Variants in HTATIP2 observed in about 807,000 individuals in gnomAD.
HTATIP2 encodes the protein protein HTATIP2.
Under a neutral mutation model 24.7 loss-of-function variants are expected in HTATIP2, and 26 were observed. That is an observed-to-expected ratio of 1.05 (90% CI 0.77 to 1.46). HTATIP2 has a LOEUF of 1.46. Ranked by LOEUF, HTATIP2 falls within the 40% of genes most tolerant of loss-of-function variation. The probability of loss-of-function intolerance (pLI) is 0.00; values close to 1 mark genes in which losing one functional copy is unlikely to be tolerated. For missense variants in HTATIP2, 284 were observed against 289.6 expected, an observed-to-expected ratio of 0.98 and a Z score of 0.14; for synonymous variants, 99 against 113.2, an observed-to-expected ratio of 0.87 and a Z score of 0.79.
chr11:20,364,499 A>G (rs1414921225), intron 1 of HTATIP2, 67 bp downstream of exon 1: 3 of 1,385,462 alleles, frequency 2.2e-6, no homozygotes, highest in Non-Finnish European at 3.0e-6. Flanking sequence ...TTTCATGCCT[A>G]AAGGCTGAAT....
intron 2 of HTATIP2, among the ~76,000 whole-genome samples, chr11:20,371,919 G>A (rs1449460882): frequency 6.6e-6 from 1 of 152,056 alleles, no homozygotes; most frequent in African/African-American, 2.4e-5. Flanking sequence ...TGCCCTCCAG[G>A]ACACAAACAA....
At chr11:20,371,995 G>T (rs2064777061) in intron 2 of HTATIP2, among the ~76,000 whole-genome samples, 1 of 152,170 alleles carries the variant, frequency 6.6e-6, no homozygotes, top group African/African-American at 2.4e-5. Flanking sequence ...AATTTATAGG[G>T]TTGGATTGAA....
chr11:20,379,084 A>C (rs1247360349), intron 3 of HTATIP2, among the ~76,000 whole-genome samples: 3 of 145,330 alleles, frequency 2.1e-5, no homozygotes, highest in African/African-American at 7.6e-5. Context: ...ACAACAACAA[A>C]AACACCAGCT....
At chr11:20,370,431 C>G (rs755426366) in intron 2 of HTATIP2, among the ~76,000 whole-genome samples, 2 of 152,154 alleles carry the variant, frequency 1.3e-5, no homozygotes, top group Non-Finnish European at 2.9e-5. Context: ...CTCACCTGGT[C>G]GTAGTAGGCT....
chr11:20,372,274 A>C (rs2064779966), intron 2 of HTATIP2, among the ~76,000 whole-genome samples: 1 of 152,236 alleles, frequency 6.6e-6, no homozygotes, highest in Non-Finnish European at 1.5e-5. Flanking sequence ...TAGACGTGCT[A>C]ACTTGTCCTA....
rs557850447 is a variant in HTATIP2 at position 20,381,817 on chromosome 11, G to A, written c.442-361G>A. Among the ~76,000 whole-genome samples, 11 of 152,194 alleles carry A rather than the reference G, an allele frequency of 7.2e-5. No homozygotes were observed. The South Asian group carries it at 1.2e-3, about 17-fold the overall frequency. Reference sequence around the variant, plus strand: ...GGAACTACCTATAAACCAAAAAAACGTTAGTGTCTGCTAGCATGCAACATG... The same window carrying A: ...GGAACTACCTATAAACCAAAAAAACATTAGTGTCTGCTAGCATGCAACATG... On this transcript the variant is annotated intron_variant, in intron 3 of 4. Coordinates refer to ENST00000451739, the MANE Select transcript of HTATIP2 (RefSeq NM_001098522.2).
chr11:20,382,220 T>C lies in HTATIP2; in HGVS notation c.484T>C (p.Tyr162His), dbSNP rs370076424. 42 of 1,587,504 alleles carry C rather than the reference T, an allele frequency of 2.6e-5. No homozygotes were observed. The highest frequency in any genetic ancestry group is 3.3e-5 in the Non-Finnish European group (38 of 1,155,814). ...AKVEELKFDRYSVFRPGVLLC... is the reference protein window; with the variant it reads ...AKVEELKFDRHSVFRPGVLLC... ...GGTTGAAGAATTAAAATTTGATCGT[T>C]ACTCTGTATTTAGGCCTGGGTAAGT... The change falls in exon 4 of 5, where the codon TAC (tyrosine) becomes CAC (histidine). Residue 162 changes from tyrosine (Y) to histidine (H), a missense_variant. By Grantham distance (83) the Tyr-to-His change is moderately conservative. Coordinates refer to ENST00000451739, the MANE Select transcript of HTATIP2 (RefSeq NM_001098522.2).
chr11:20,371,329 T>G (rs895910214), intron 2 of HTATIP2, among the ~76,000 whole-genome samples: 3 of 152,194 alleles, frequency 2.0e-5, no homozygotes, highest in Non-Finnish European at 4.4e-5. Context: ...GTTTGCTGGT[T>G]AGCTTTTGGA....
chr11:20,381,951 A>G (rs1203185835), intron 3 of HTATIP2, among the ~76,000 whole-genome samples: 1 of 152,244 alleles, frequency 6.6e-6, no homozygotes, highest in Non-Finnish European at 1.5e-5. Context: ...CTATGCAGCC[A>G]TTCACTCATT....
At chr11:20,367,768 C>A in intron 2 of HTATIP2, 1 of 599,326 alleles carries the variant, frequency 1.7e-6, no homozygotes, top group Non-Finnish European at 2.1e-6. Context: ...AGCGATGACT[C>A]AGCCTTCAGC....
intron 2 of HTATIP2, 97 bp from the exon 3 acceptor site, chr11:20,376,483 C>T (rs908847262): frequency 7.7e-7 from 1 of 1,298,320 alleles, no homozygotes; most frequent in Non-Finnish European, 1.1e-6. Flanking sequence ...AGATCTCCAT[C>T]CTTCTAGGCC....
chr11:20,374,379 C>T (rs975649678), intron 2 of HTATIP2, among the ~76,000 whole-genome samples: 11 of 152,260 alleles, frequency 7.2e-5, no homozygotes, highest in Non-Finnish European at 1.6e-4. Flanking sequence ...AATTTATCAT[C>T]TTAGAAGTCT....
At chr11:20,370,370 G>T (rs904028750) in intron 2 of HTATIP2, among the ~76,000 whole-genome samples, 2 of 152,178 alleles carry the variant, frequency 1.3e-5, no homozygotes. Flanking sequence ...AGAGGGATTT[G>T]ATTAGTGAAT....
intron 2 of HTATIP2, among the ~76,000 whole-genome samples, chr11:20,374,569 G>C (rs906370502): frequency 1.3e-5 from 2 of 152,144 alleles, no homozygotes; most frequent in South Asian, 4.1e-4. Context: ...GCCCTTCTTA[G>C]GTTGCATTAC....
At chr11:20,379,066 C>T (rs147506231) in intron 3 of HTATIP2, among the ~76,000 whole-genome samples, 2 of 149,568 alleles carry the variant, frequency 1.3e-5, no homozygotes, top group African/African-American at 5.1e-5. Context: ...CAAACAACAA[C>T]AACAACAACA....
chr11:20,372,048 A>G (rs80106627), intron 2 of HTATIP2, among the ~76,000 whole-genome samples: 4,021 of 152,264 alleles, frequency 0.026, 177 homozygotes, highest in African/African-American at 0.092. Context: ...ATAGGGCTGA[A>G]TGGGACCTTT....
chr11:20,383,309 C>A lies in HTATIP2; in HGVS notation c.*104C>A. On this transcript the variant is annotated 3_prime_UTR_variant, in exon 5 of 5. Transcript: ENST00000451739. ...AGCATGTTTTAACTTTGTTGTTTTA[C>A]TATCCTCAGGCATCCATTCCAATCA... The A allele has an allele frequency of 1.2e-6, 1 of 813,038 alleles. No homozygotes were observed. Among genetic ancestry groups the A allele is most frequent in the Non-Finnish European group, 2.0e-6 (1 of 512,328 alleles). The allele number at this position is 813,038 out of a possible 1,614,324, so 50.4% of individuals were successfully genotyped here. A position where few individuals can be genotyped will look rare whatever the true frequency, so the allele number is the denominator to read the frequency against.
rs750743670 is a variant in HTATIP2 at position 20,364,439 on chromosome 11, A to G, written c.195+7A>G. The stretch of plus-strand genomic sequence containing the variant: ...GGAAGCTTATAAAAATGTGGTGGGT[A>G]TTTCAGCTGGGACTCAAATGGACCC... On this transcript the variant is annotated splice_region_variant and intron_variant, in intron 1 of 4. Coordinates refer to ENST00000451739, the MANE Select transcript of HTATIP2 (RefSeq NM_001098522.2). 7.5e-6 allele frequency: 12 copies of G among 1,596,896 alleles called. No individual in the cohort carries two copies. The Admixed American group carries it at 1.4e-4, about 18-fold the overall frequency.
rs191533610 is a variant in HTATIP2, at chr11:20,364,327, C to T, written c.90C>T (p.Thr30=). The T allele has an allele frequency of 6.2e-7, 1 of 1,613,700 alleles. No homozygotes were observed. Among genetic ancestry groups the T allele is most frequent in the East Asian group, 2.2e-5 (1 of 44,852 alleles). The change falls in exon 1 of 5, where the codon ACC becomes ACT. Residue 30 remains threonine, a synonymous_variant. Coordinates refer to ENST00000451739, the MANE Select transcript of HTATIP2 (RefSeq NM_001098522.2). ...TTATTTTGGGCGCCAGCGGAGAAACCGGCAGAGTGCTCTTAAAGGAAATCC... is the reference window on the plus strand; with the variant it reads ...TTATTTTGGGCGCCAGCGGAGAAACTGGCAGAGTGCTCTTAAAGGAAATCC... ...SVFILGASGE[T]GRVLLKEILE...
Sources: gnomAD v4.1 joint callset for allele counts (sites outside exome capture counted in the v4.1 genomes callset) on GRCh38, gnomAD v4.1.1 for gene constraint, MANE v1.5 for transcripts, NCBI Gene and HGNC (gene_info 2026-07-23, HGNC 2026-07-21) for gene names.